The following ZNF280C variants were observed in gnomAD, a reference collection of about 807,000 sequenced individuals.
The protein encoded by ZNF280C is zinc finger protein 280C, also known as suppressor of hairy wing homolog 3.
ZNF280C carries 14 observed loss-of-function variants against 53.6 expected under a neutral mutation model. The ratio of observed to expected loss-of-function variants is 0.26; its 90% CI spans 0.17 to 0.41. ZNF280C has a LOEUF of 0.41. Ranked by LOEUF, ZNF280C falls within the 10% of genes least tolerant of loss-of-function variation. ZNF280C has a pLI of 1.00. For missense variants in ZNF280C, 416 were observed against 547.1 expected, an observed-to-expected ratio of 0.76 and a Z score of 2.39; for synonymous variants, 203 against 181.1, an observed-to-expected ratio of 1.12 and a Z score of -0.97.
chrX:130,245,512 A>G lies in ZNF280C; in HGVS notation c.178+1347T>C, dbSNP rs147888280. Among the ~76,000 whole-genome samples the G allele has an allele frequency of 7.1e-3, 800 of 111,948 alleles. 9 individuals are homozygous for G. The highest frequency in any genetic ancestry group is 0.024 in the African/African-American group (741 of 30,851). On this transcript the variant is annotated intron_variant, in intron 3 of 18. Coordinates refer to ENST00000370978, the MANE Select transcript of ZNF280C (RefSeq NM_017666.5). ...AATGATACTGAGAATTCAATTGGCT[A>G]AATTATTCTGCCTCTGATAAAACTG... is the stretch of plus-strand genomic sequence containing the variant.
intron 3 of ZNF280C, among the ~76,000 whole-genome samples, chrX:130,245,569 G>C (rs1270379826): frequency 1.8e-5 from 2 of 111,512 alleles, no homozygotes; most frequent in Non-Finnish European, 3.8e-5. Flanking sequence ...TTAGAGCCAA[G>C]AGAAGTAAGA....
intron 6 of ZNF280C, 54 bp downstream of exon 6, chrX:130,239,524 ATATG>A: frequency 2.9e-6 from 2 of 685,015 alleles, no homozygotes; most frequent in Middle Eastern, 3.5e-4. Context: ...ATTCAATTCC[ATATG>A]TATATTCGAC....
At chrX:130,205,704 C>A (rs5930383) in intron 16 of ZNF280C, among the ~76,000 whole-genome samples, 51,470 of 107,430 alleles carry the variant, frequency 0.48, 9,801 homozygotes, top group African/African-American at 0.67. Context: ...TATGGTGAAA[C>A]CTCGTCTCTA....
At chrX:130,223,868 T>C (rs2032194337) in intron 12 of ZNF280C, among the ~76,000 whole-genome samples, 1 of 112,280 alleles carries the variant, frequency 8.9e-6, no homozygotes, top group African/African-American at 3.2e-5. Context: ...ACTAATGCCA[T>C]CTAAATTATA....
At chrX:130,259,316 A>G (rs1383767921) in intron 2 of ZNF280C, among the ~76,000 whole-genome samples, 2 of 112,278 alleles carry the variant, frequency 1.8e-5, no homozygotes, top group Non-Finnish European at 3.8e-5. Context: ...AACTAGGTAA[A>G]GCCAGGCAAT....
intron 9 of ZNF280C, among the ~76,000 whole-genome samples, chrX:130,229,890 A>C (rs1210778832): frequency 1.8e-5 from 2 of 112,436 alleles, no homozygotes; most frequent in African/African-American, 6.5e-5. Context: ...TGAATTTCAA[A>C]GTAAAGTTAT....
chrX:130,253,441 G>A (rs1416266270), intron 2 of ZNF280C, among the ~76,000 whole-genome samples: 1 of 111,951 alleles, frequency 8.9e-6, no homozygotes, highest in African/African-American at 3.2e-5. Flanking sequence ...AACCAAAAAA[G>A]GCCTGGATAG....
At chrX:130,238,764 A>G (rs747190068) in intron 6 of ZNF280C, among the ~76,000 whole-genome samples, 175 of 111,779 alleles carry the variant, frequency 1.6e-3, no homozygotes, top group African/African-American at 5.3e-3. Context: ...AAATGGGAAA[A>G]TATTTTTGGC....
At chrX:130,238,055 C>T (rs932224925) in intron 6 of ZNF280C, among the ~76,000 whole-genome samples, 2 of 111,193 alleles carry the variant, frequency 1.8e-5, no homozygotes, top group Admixed American at 9.6e-5. Context: ...TGTTCCCTAC[C>T]TCAACTCTTC....
chrX:130,228,887 A>AT (rs1172663306), intron 10 of ZNF280C, 90 bp downstream of exon 10: 7 of 910,028 alleles, frequency 7.7e-6, no homozygotes, highest in African/African-American at 2.0e-5. Flanking sequence ...TCTACTTCTT[A>AT]TTTTTTTCTG....
At position 130,216,641 on chromosome X, in the gene ZNF280C, A is replaced by G. The variant is rs137982872; in HGVS notation, c.1528-540T>C. Among the ~76,000 whole-genome samples the G allele has an allele frequency of 8.4e-3, 940 of 112,266 alleles. 12 individuals carry two copies. Among genetic ancestry groups the G allele is most frequent in the African/African-American group, 0.029 (886 of 30,899 alleles). On this transcript the variant is annotated intron_variant, in intron 13 of 18. Transcript: ENST00000370978. ...GACAATAACAAGTATTGGCTAGGAC[A>G]TAGAGAAATGCGAACCCTCATACAT...
chrX:130,240,985 A>T (rs367948927), intron 5 of ZNF280C, among the ~76,000 whole-genome samples: 1 of 111,919 alleles, frequency 8.9e-6, no homozygotes, highest in Admixed American at 9.5e-5. Flanking sequence ...ATGAATAAAG[A>T]CCTAATATTA....
chrX:130,226,426 T>G (rs113008763), intron 12 of ZNF280C, among the ~76,000 whole-genome samples: 10 of 111,745 alleles, frequency 8.9e-5, no homozygotes, highest in African/African-American at 2.9e-4. Context: ...CACCCTTAGG[T>G]CCTGAAATAT....
At chrX:130,220,232 T>C (rs558577081) in intron 13 of ZNF280C, 117 bp downstream of exon 13, 2 of 582,483 alleles carry the variant, frequency 3.4e-6, no homozygotes, top group East Asian at 8.2e-5. Context: ...TTAATATAGT[T>C]GCCCTAGTGA....
chrX:130,232,093 C>T (rs2124705043), intron 8 of ZNF280C, among the ~76,000 whole-genome samples: 1 of 107,035 alleles, frequency 9.3e-6, no homozygotes, highest in Non-Finnish European at 1.9e-5. Context: ...TATCAAATAA[C>T]ACAGTAATAT....
At position 130,231,856 on chromosome X, in the gene ZNF280C, C is replaced by T. The variant is rs749407687; in HGVS notation, c.772-1129G>A. ...CCTGGCCAATATGGTGAAACCCCGT[C>T]TCTATTAAAAATACAAAAAAATTAG... On this transcript the variant is annotated intron_variant, in intron 8 of 18. Coordinates refer to ENST00000370978, the MANE Select transcript of ZNF280C (RefSeq NM_017666.5). 8.2e-5 allele frequency among the ~76,000 whole-genome samples: 9 copies of T among 109,945 alleles called. No individual in the cohort carries two copies. In the South Asian group the frequency reaches 3.6e-3, roughly 44 times the overall value.
intron 8 of ZNF280C, among the ~76,000 whole-genome samples, chrX:130,235,467 T>C (rs1234788103): frequency 8.9e-6 from 1 of 112,083 alleles, no homozygotes; most frequent in East Asian, 2.8e-4. Context: ...GGAGCCAAGA[T>C]TGTGCCACTG....
intron 2 of ZNF280C, among the ~76,000 whole-genome samples, chrX:130,255,714 G>A (rs994226517): frequency 7.2e-5 from 8 of 111,543 alleles, no homozygotes; most frequent in African/African-American, 2.3e-4. Flanking sequence ...CAGCACTTTC[G>A]GAGGCCAAGG....
chrX:130,238,501 C>T lies in ZNF280C; in HGVS notation c.493+1081G>A, dbSNP rs755590700. Among the ~76,000 whole-genome samples the T allele has an allele frequency of 4.5e-5, 5 of 111,547 alleles. No individual in the cohort carries two copies. In the South Asian group the frequency reaches 1.9e-3, roughly 41 times the overall value. On this transcript the variant is annotated intron_variant, in intron 6 of 18. Coordinates refer to ENST00000370978, the MANE Select transcript of ZNF280C (RefSeq NM_017666.5). ...CTTAAACCTGTACCTTCCCAATCAA[C>T]TATAATCCTATTTACTATTCAGGAC...
Sources: gnomAD v4.1 joint callset for allele counts (sites outside exome capture counted in the v4.1 genomes callset) on GRCh38, gnomAD v4.1.1 for gene constraint, MANE v1.5 for transcripts, NCBI Gene and HGNC (gene_info 2026-07-23, HGNC 2026-07-21) for gene names.